Variants in PPFIBP1 observed in about 807,000 individuals in gnomAD.
The protein encoded by PPFIBP1 is liprin-beta-1.
A neutral mutation model predicts 137.8 loss-of-function variants in PPFIBP1; 112 were observed. That is an observed-to-expected ratio of 0.81 (90% confidence interval 0.70 to 0.95). The LOEUF (loss-of-function observed/expected upper bound fraction) is 0.95, where lower values mean the gene tolerates loss of function less well. Among genes scored for constraint, PPFIBP1 ranks in the 40% least tolerant of loss-of-function variants. The pLI is 0.00. For synonymous variants in PPFIBP1, 378 were observed against 417.3 expected (o/e 0.91, Z 1.15); for missense variants, 1,083 against 1,196.6 (o/e 0.91, Z 1.40).
intron 2 of PPFIBP1, among the ~76,000 whole-genome samples, chr12:27,591,860 GA>G (rs2137305028): frequency 6.6e-6 from 1 of 152,264 alleles, no homozygotes; most frequent in Admixed American, 6.5e-5. Flanking sequence ...TCTGATCTCT[GA>G]AATTGAAATT....
At chr12:27,550,921 C>T (rs896007374) in intron 1 of PPFIBP1, among the ~76,000 whole-genome samples, 2 of 151,330 alleles carry the variant, frequency 1.3e-5, no homozygotes, top group Non-Finnish European at 2.9e-5. Context: ...GTGTTTATCA[C>T]TCACTTACTC....
At chr12:27,662,791 A>G (rs2059629220) in intron 11 of PPFIBP1, among the ~76,000 whole-genome samples, 1 of 152,258 alleles carries the variant, frequency 6.6e-6, no homozygotes, top group South Asian at 2.1e-4. Flanking sequence ...ATAAATCTAA[A>G]TTTTAAGATT....
intron 1 of PPFIBP1, among the ~76,000 whole-genome samples, chr12:27,545,550 C>T (rs1474274482): frequency 6.6e-6 from 1 of 152,118 alleles, no homozygotes; most frequent in East Asian, 1.9e-4. Flanking sequence ...CTGGTTGGCT[C>T]AGGGAGTAAA....
chr12:27,622,639 G>A (rs1019463344), intron 2 of PPFIBP1, among the ~76,000 whole-genome samples: 5 of 152,134 alleles, frequency 3.3e-5, no homozygotes, highest in African/African-American at 9.7e-5. Flanking sequence ...ACACACACAC[G>A]CACATACTCT....
At chr12:27,631,151 T>A (rs1238873436) in intron 2 of PPFIBP1, among the ~76,000 whole-genome samples, 1 of 152,026 alleles carries the variant, frequency 6.6e-6, no homozygotes, top group Non-Finnish European at 1.5e-5. Context: ...TCCTTTATAC[T>A]CCTCATTTAT....
chr12:27,638,408 C>CAAAAA (rs2057842613), intron 4 of PPFIBP1, among the ~76,000 whole-genome samples: 1 of 152,160 alleles, frequency 6.6e-6, no homozygotes, highest in African/African-American at 2.4e-5. Flanking sequence ...CAAATGCAGG[C>CAAAAA]TGCAGTGACT....
chr12:27,660,694 G>A (rs796578492), intron 10 of PPFIBP1, among the ~76,000 whole-genome samples, 190 bp from the exon 11 acceptor site: 1 of 152,322 alleles, frequency 6.6e-6, no homozygotes, highest in African/African-American at 2.4e-5. Flanking sequence ...TTCAGGTGAG[G>A]TAGAAGATGT....
chr12:27,645,576 A>G lies in PPFIBP1; in HGVS notation c.271-486A>G, dbSNP rs74074058. ...CTGCCCTGGAATAGAAGGTAACGTT[A>G]TACAAAGAAGCAAACTCACAAGTTA... On this transcript the variant is annotated intron_variant, in intron 4 of 29. Transcript: ENST00000228425. 5.4e-4 allele frequency among the ~76,000 whole-genome samples: 83 copies of G among 152,338 alleles called. 1 individual carries two copies. The highest frequency in any genetic ancestry group is 3.4e-3 in the Middle Eastern group (1 of 294).
rs569102815 is a variant in PPFIBP1, at chr12:27,576,074, G to C, written c.-123-2078G>C. Among the ~76,000 whole-genome samples, 4 of 152,256 alleles carry C rather than the reference G, an allele frequency of 2.6e-5. No individual in the cohort carries two copies. The South Asian group carries it at 8.3e-4, about 32-fold the overall frequency. ...GATTGAATATACTCAGTGCCTGTTAGTTAATGTGAATTTCTCTGGAGCACA... is the reference window on the plus strand; with the variant it reads ...GATTGAATATACTCAGTGCCTGTTACTTAATGTGAATTTCTCTGGAGCACA... On this transcript the variant is annotated intron_variant, in intron 1 of 29. Coordinates refer to ENST00000228425, the MANE Select transcript of PPFIBP1 (RefSeq NM_003622.4).
intron 2 of PPFIBP1, among the ~76,000 whole-genome samples, chr12:27,604,091 G>C (rs2137864936): frequency 6.6e-6 from 1 of 152,284 alleles, no homozygotes; most frequent in South Asian, 2.1e-4. Flanking sequence ...AAGAAAAGTG[G>C]GGATGGGGTG....
chr12:27,671,913 A>G (rs541670804), intron 14 of PPFIBP1, among the ~76,000 whole-genome samples: 1 of 152,224 alleles, frequency 6.6e-6, no homozygotes, highest in South Asian at 2.1e-4. Context: ...CTTTACTGAA[A>G]ATACAAAAAT....
intron 2 of PPFIBP1, among the ~76,000 whole-genome samples, chr12:27,630,508 T>C (rs2194815): frequency 0.33 from 49,436 of 152,064 alleles, 8,321 homozygotes; most frequent in East Asian, 0.44. Flanking sequence ...TTTCTTTATA[T>C]TTAAAGTCTC....
At chr12:27,685,910 A>G (rs2051617408) in intron 24 of PPFIBP1, among the ~76,000 whole-genome samples, 1 of 152,222 alleles carries the variant, frequency 6.6e-6, no homozygotes, top group Non-Finnish European at 1.5e-5. Context: ...GAAGAAAATC[A>G]CTCAGAAAGT....
chr12:27,666,562 G>T (rs2059869462), intron 12 of PPFIBP1, among the ~76,000 whole-genome samples: 1 of 152,010 alleles, frequency 6.6e-6, no homozygotes, highest in Non-Finnish European at 1.5e-5. Context: ...TTGATTTCTA[G>T]AGATGTAAAA....
intron 2 of PPFIBP1, among the ~76,000 whole-genome samples, chr12:27,583,718 C>A (rs2137036318): frequency 6.6e-6 from 1 of 152,280 alleles, no homozygotes; most frequent in East Asian, 1.9e-4. Flanking sequence ...TACCCACAGT[C>A]CTTCTGGCCT....
At chr12:27,610,238 A>C (rs1193546404) in intron 2 of PPFIBP1, among the ~76,000 whole-genome samples, 1 of 152,222 alleles carries the variant, frequency 6.6e-6, no homozygotes, top group African/African-American at 2.4e-5. Flanking sequence ...GTAGCCCAGT[A>C]GTGATTTTAT....
chr12:27,565,818 C>T (rs377194533), intron 1 of PPFIBP1, among the ~76,000 whole-genome samples: 4 of 152,140 alleles, frequency 2.6e-5, no homozygotes, highest in African/African-American at 7.2e-5. Flanking sequence ...TGTACTAACC[C>T]GAATTTTCCT....
At position 27,662,406 on chromosome 12, in the gene PPFIBP1, T is replaced by C. The variant is rs774805820; in HGVS notation, c.906+1461T>C. ...ACCTTAGGCAGTGACATGATTACAT[T>C]GCCATTTTAGAAAGCTAACTCTGGT... is the stretch of plus-strand genomic sequence containing the variant. On this transcript the variant is annotated intron_variant, in intron 11 of 29. Coordinates refer to ENST00000228425, the MANE Select transcript of PPFIBP1 (RefSeq NM_003622.4). 5.3e-5 allele frequency among the ~76,000 whole-genome samples: 8 copies of C among 152,244 alleles called. No individual in the cohort carries two copies. In the South Asian group the frequency reaches 8.3e-4, roughly 16 times the overall value.
chr12:27,691,766 T>A lies in PPFIBP1; in HGVS notation c.2703T>A (p.Phe901Leu), dbSNP rs766874772. The change falls in exon 28 of 30, where the codon TTT becomes TTA. Residue 901 changes from phenylalanine to leucine, a missense_variant. By Grantham distance (22) the Phe-to-Leu change is conservative. Transcript: ENST00000228425. ...TTTTAAAGCCAAAGAAACTTGCCTT[T>A]AGCAATTTTGGGAATTTGAGAAAGA... ...TAKVKPKKLA[F>L]SNFGNLRKKK... The A allele has an allele frequency of 6.2e-7, 1 of 1,609,772 alleles. No individual in the cohort carries two copies. The highest frequency in any genetic ancestry group is 8.5e-7 in the Non-Finnish European group (1 of 1,178,490).
Sources: gnomAD v4.1 joint callset for allele counts (sites outside exome capture counted in the v4.1 genomes callset) on GRCh38, gnomAD v4.1.1 for gene constraint, MANE v1.5 for transcripts, NCBI Gene and HGNC (gene_info 2026-07-23, HGNC 2026-07-21) for gene names.